VSIG8: variants seen among roughly 807,000 people sequenced by gnomAD.
The protein encoded by VSIG8 is V-set and immunoglobulin domain-containing protein 8.
Under a neutral mutation model 42.6 loss-of-function variants are expected in VSIG8, and 32 were observed. That is an observed-to-expected ratio of 0.75 (90% CI 0.57 to 1.01). VSIG8 has a LOEUF of 1.01. Ranked by LOEUF, VSIG8 falls within the 50% of genes least tolerant of loss-of-function variation. The probability of loss-of-function intolerance (pLI) is 0.00; values close to 1 mark genes in which losing one functional copy is unlikely to be tolerated. For synonymous variants in VSIG8, 290 were observed against 243.8 expected, an observed-to-expected ratio of 1.19 and a Z score of -1.77; for missense variants, 529 against 558.0, an observed-to-expected ratio of 0.95 and a Z score of 0.52.
At chr1:159,859,428 C>A (rs1648955980) in intron 1 of VSIG8, among the ~76,000 whole-genome samples, 1 of 152,122 alleles carries the variant, frequency 6.6e-6, no homozygotes, top group African/African-American at 2.4e-5. Context: ...TGTCCAGAGG[C>A]AGCGGGGTGG....
chr1:159,856,721 A>G, intron 4 of VSIG8, 78 bp from the exon 5 acceptor site: 1 of 1,565,096 alleles, frequency 6.4e-7, no homozygotes, highest in Non-Finnish European at 8.7e-7. Flanking sequence ...GGGGGATGGG[A>G]CACCCACTCT....
rs746435603 is a variant in VSIG8 at position 159,857,796 on chromosome 1, A to G, written c.601T>C (p.Tyr201His). The change falls in exon 4 of 7, where the codon TAC (tyrosine) becomes CAC (histidine). Residue 201 changes from tyrosine (Y) to histidine (H), a missense_variant. Coordinates refer to ENST00000368100, the MANE Select transcript of VSIG8 (RefSeq NM_001013661.1). ...RAGSYTSQHS[Y>H]HSELSYQESF... ...TCCTGGTAGGACAGCTCTGAGTGGT[A>G]GCTGTGCTGGGAGGTGTAAGACCCA... 3.1e-6 allele frequency: 5 copies of G among 1,614,162 alleles called. No homozygotes were observed. The highest frequency in any genetic ancestry group is 2.7e-5 in the African/African-American group (2 of 75,044).
At position 159,855,016 on chromosome 1, in the gene VSIG8, C is replaced by A; in HGVS notation, c.982G>T (p.Val328Leu). The change falls in exon 7 of 7, where the codon GTG becomes TTG. Residue 328 changes from valine to leucine, a missense_variant. Val to Leu is a conservative substitution (Grantham distance 32). Transcript: ENST00000368100. ...CCGCTGGCCTTGCACCCGGGCGCCA[C>A]GGCGTCCTCTCTGTGGAAAACAACA... ...DLASEIREDAVAPGCKASGRG... is the reference protein window; with the variant it reads ...DLASEIREDALAPGCKASGRG... 2 of 1,570,296 alleles carry A rather than the reference C, an allele frequency of 1.3e-6. No homozygotes were observed. Among genetic ancestry groups the A allele is most frequent in the Non-Finnish European group, 8.6e-7 (1 of 1,161,086 alleles).
In VSIG8 at chr1:159,857,972, A is replaced by T; in HGVS notation, c.431-6T>A. ...CATGGGCACTGCAGGTCGTGCTGCAAGGAGGCAGACAATTGTAAGCCAGGG... is the reference window on the plus strand; with the variant it reads ...CATGGGCACTGCAGGTCGTGCTGCATGGAGGCAGACAATTGTAAGCCAGGG... On this transcript the variant is annotated splice_polypyrimidine_tract_variant and splice_region_variant and intron_variant, in intron 3 of 6. Coordinates refer to ENST00000368100, the MANE Select transcript of VSIG8 (RefSeq NM_001013661.1). 6.2e-7 allele frequency: 1 copy of T among 1,613,420 alleles called. No homozygotes were observed. Among genetic ancestry groups the T allele is most frequent in the South Asian group, 1.1e-5 (1 of 90,922 alleles).
intron 5 of VSIG8, 142 bp downstream of exon 5, chr1:159,856,382 A>C: frequency 7.0e-7 from 1 of 1,420,686 alleles, no homozygotes; most frequent in Non-Finnish European, 9.7e-7. Flanking sequence ...ATCTTGGCCC[A>C]CTTGTAGGAA....
In VSIG8 at chr1:159,858,931, A is replaced by G; in HGVS notation, c.50-19T>C. 1 of 1,607,368 alleles carries G rather than the reference A, an allele frequency of 6.2e-7. No individual in the cohort carries two copies. Among genetic ancestry groups the G allele is most frequent in the East Asian group, 2.2e-5 (1 of 44,752 alleles). On this transcript the variant is annotated intron_variant, in intron 1 of 6. Transcript: ENST00000368100. ...AGCAGTGCTAGGGGGAGGGCAGAGA[A>G]GATGGGGTGGTAGGAGCAGAAGCAG...
chr1:159,859,943 C>T (rs1648969582), intron 1 of VSIG8, among the ~76,000 whole-genome samples: 1 of 152,020 alleles, frequency 6.6e-6, no homozygotes, highest in East Asian at 1.9e-4. Flanking sequence ...GGCCTATCCC[C>T]AACCGGTTGG....
Position 159,856,546 on chromosome 1 carries a change from A to G in VSIG8, c.750T>C (p.Cys250=). Residue 250 remains cysteine (C), a synonymous_variant, in exon 5 of 7, where the codon TGT becomes TGC. Transcript: ENST00000368100. ...TACCTGAGACCTTCACCTCCACCAC[A>G]CAAACACTGTAGCCCACGTTGTTGG... ...TVANNVGYSV[C]VVEVKVSDSR... is the part of the protein sequence containing the mutation. The G allele has an allele frequency of 1.2e-6, 2 of 1,614,106 alleles. No individual in the cohort carries two copies. Among genetic ancestry groups the G allele is most frequent in the Non-Finnish European group, 1.7e-6 (2 of 1,179,996 alleles).
At chr1:159,856,436 G>T in intron 5 of VSIG8, 88 bp downstream of exon 5, 5 of 1,582,748 alleles carry the variant, frequency 3.2e-6, no homozygotes, top group South Asian at 1.2e-5. Flanking sequence ...CAGTGGAAAG[G>T]CAGAAGCAGC....
rs767131783 is a variant in VSIG8 at position 159,856,073 on chromosome 1, G to T, written c.781C>A (p.Arg261Ser). Residue 261 changes from arginine to serine, a missense_variant, in exon 6 of 7, where the codon CGT becomes AGT. Arg to Ser is a moderately radical substitution (Grantham distance 110). Transcript: ENST00000368100. ...VVEVKVSDSR[R>S]IGVIIGIVLG... Reference sequence around the variant, plus strand: ...ACGATGCCGATGATCACGCCTATACGCCGGGAGTCTGTGGAGAGAAGTGGA... The same window carrying T: ...ACGATGCCGATGATCACGCCTATACTCCGGGAGTCTGTGGAGAGAAGTGGA... The T allele has an allele frequency of 1.4e-5, 23 of 1,610,954 alleles. No homozygotes were observed. Among genetic ancestry groups the T allele is most frequent in the Non-Finnish European group, 2.0e-5 (23 of 1,178,836 alleles).
In VSIG8 at chr1:159,858,086, A is replaced by G. The variant is rs766556889; in HGVS notation, c.430+4T>C. The G allele has an allele frequency of 3.7e-6, 6 of 1,614,238 alleles. No homozygotes were observed. In the Admixed American group the frequency reaches 1.0e-4, roughly 27 times the overall value. On this transcript the variant is annotated splice_donor_region_variant and intron_variant, in intron 3 of 6. Transcript: ENST00000368100. Reference sequence around the variant, plus strand: ...GAGAGGAGCTTAGAGGAGTCTGGCCATACCTTGGACAGTGACAATGACCTT... The same window carrying G: ...GAGAGGAGCTTAGAGGAGTCTGGCCGTACCTTGGACAGTGACAATGACCTT...
chr1:159,857,607 G>T, intron 4 of VSIG8, 138 bp downstream of exon 4: 1 of 655,168 alleles, frequency 1.5e-6, no homozygotes, highest in Non-Finnish European at 2.5e-6. Flanking sequence ...AGCTGCTGGG[G>T]CAGGCCCAGA....
intron 6 of VSIG8, 42 bp from the exon 7 acceptor site, chr1:159,855,068 C>A: frequency 6.4e-7 from 1 of 1,564,204 alleles, no homozygotes; most frequent in East Asian, 2.4e-5. Flanking sequence ...GGCTGCTCCG[C>A]AGCGGGGCGT....
chr1:159,857,347 G>A (rs1215461431), intron 4 of VSIG8, among the ~76,000 whole-genome samples: 1 of 152,198 alleles, frequency 6.6e-6, no homozygotes, highest in Non-Finnish European at 1.5e-5. Context: ...GCCAAGGCGG[G>A]CGGATCGCCT....
Position 159,855,383 on chromosome 1 carries a change from C to G in VSIG8, c.972-357G>C, listed in dbSNP as rs767830046. 6 of 1,433,176 alleles carry G rather than the reference C, an allele frequency of 4.2e-6. No homozygotes were observed. In the African/African-American group the frequency reaches 5.8e-5, roughly 14 times the overall value. 88.8% of individuals were successfully genotyped at this position (1,433,176 alleles called of 1,614,324 possible). A position where few individuals can be genotyped will look rare whatever the true frequency, so the allele number is the denominator to read the frequency against. On this transcript the variant is annotated intron_variant, in intron 6 of 6. Transcript: ENST00000368100. ...TTCCTTAGCTAATCCTGACCTTGCT[C>G]GAGCAATCTCTCTCTTTCTCACCTC...
chr1:159,857,490 G>A (rs553173152), intron 4 of VSIG8, among the ~76,000 whole-genome samples: 5 of 151,146 alleles, frequency 3.3e-5, no homozygotes, highest in South Asian at 2.1e-4. Context: ...CAGGAGAATC[G>A]CTTGAACCCG....
chr1:159,862,235 C>T lies in VSIG8; in HGVS notation c.49+238G>A. 6.7e-6 allele frequency: 3 copies of T among 446,816 alleles called. No homozygotes were observed. The South Asian group carries it at 1.7e-4, about 25-fold the overall frequency. The allele number at this position is 446,816 out of a possible 1,614,324, so 27.7% of individuals were successfully genotyped here. On this transcript the variant is annotated intron_variant, in intron 1 of 6. Transcript: ENST00000368100. ...ACACATGTGTGAGCCCGACAGGGGA[C>T]ATATAAAGATCCACTCAAAGACCTC...
chr1:159,858,174 G>A lies in VSIG8; in HGVS notation c.346C>T (p.Leu116=), dbSNP rs201612422. The A allele has an allele frequency of 2.3e-4, 371 of 1,614,216 alleles. No homozygotes were observed. Among genetic ancestry groups the A allele is most frequent in the Non-Finnish European group, 2.8e-4 (335 of 1,180,032 alleles). ...QYDASINLMN[L]QVSDTATYEC... is the part of the protein sequence containing the mutation. ...TAAGTGGCTGTATCAGATACCTGCAGGTTCATGAGGTTGATGGAGGCATCG... is the reference window on the plus strand; with the variant it reads ...TAAGTGGCTGTATCAGATACCTGCAAGTTCATGAGGTTGATGGAGGCATCG... The change falls in exon 3 of 7, where the codon CTG becomes TTG. Residue 116 remains leucine, a synonymous_variant. Transcript: ENST00000368100.
At chr1:159,860,607 T>C (rs1648989121) in intron 1 of VSIG8, 1 of 152,270 alleles carries the variant, frequency 6.6e-6, no homozygotes, top group Admixed American at 6.5e-5. Flanking sequence ...GCAGGCTGAC[T>C]GCTGGGGCTC....
Sources: gnomAD v4.1 joint callset for allele counts (sites outside exome capture counted in the v4.1 genomes callset) on GRCh38, gnomAD v4.1.1 for gene constraint, MANE v1.5 for transcripts, NCBI Gene and HGNC (gene_info 2026-07-23, HGNC 2026-07-21) for gene names.